TRIM42: variants seen among roughly 807,000 people sequenced by gnomAD.
TRIM42 encodes the protein tripartite motif containing 42, also known as tripartite motif-containing protein 42.
TRIM42 carries 59 observed loss-of-function variants against 64.9 expected under a neutral mutation model. The observed-to-expected ratio is 0.91, with a 90% confidence interval of 0.74 to 1.13. The LOEUF is 1.13. Ranked by LOEUF, TRIM42 falls within the 50% of genes most tolerant of loss-of-function variation. The pLI is 0.00. For missense variants in TRIM42, 878 were observed against 929.5 expected (o/e 0.94, Z 0.72); for synonymous variants, 354 against 346.3 (o/e 1.02, Z -0.25).
chr3:140,691,258 T>A, intron 4 of TRIM42, 66 bp downstream of exon 4: 1 of 1,323,736 alleles, frequency 7.6e-7, no homozygotes. Context: ...GAGGCCCTGT[T>A]AAGATGATCG....
At chr3:140,684,905 A>C (rs1032724949) in intron 2 of TRIM42, among the ~76,000 whole-genome samples, 6 of 152,182 alleles carry the variant, frequency 3.9e-5, no homozygotes, top group African/African-American at 1.4e-4. Context: ...TCCTTAATAC[A>C]GGAGAAACTT....
intron 4 of TRIM42, among the ~76,000 whole-genome samples, chr3:140,694,200 T>G (rs1031276618): frequency 6.6e-6 from 1 of 152,190 alleles, no homozygotes; most frequent in Admixed American, 6.5e-5. Flanking sequence ...AGCTGAACTT[T>G]TATTTTTTGA....
chr3:140,697,830 C>A (rs1180061639), intron 4 of TRIM42, among the ~76,000 whole-genome samples: 1 of 152,144 alleles, frequency 6.6e-6, no homozygotes, highest in African/African-American at 2.4e-5. Context: ...ACTACAGGCG[C>A]CCGCCACCAC....
At chr3:140,679,329 G>A (rs1229972641) in intron 1 of TRIM42, among the ~76,000 whole-genome samples, 1 of 152,064 alleles carries the variant, frequency 6.6e-6, no homozygotes, top group East Asian at 1.9e-4. Flanking sequence ...CTTCATATCA[G>A]GTCCTACATT....
At chr3:140,695,507 C>T (rs1248293662) in intron 4 of TRIM42, among the ~76,000 whole-genome samples, 1 of 152,106 alleles carries the variant, frequency 6.6e-6, no homozygotes, top group Admixed American at 6.5e-5. Context: ...ACCCCTGTCC[C>T]CAACCATCCT....
intron 1 of TRIM42, among the ~76,000 whole-genome samples, chr3:140,678,929 G>A (rs1000153426): frequency 1.3e-5 from 2 of 152,066 alleles, no homozygotes; most frequent in Non-Finnish European, 2.9e-5. Flanking sequence ...TTTCCATGAG[G>A]AAACTGATCC....
chr3:140,692,563 A>ACACACACACACACACACACAGC (rs1553763787), intron 4 of TRIM42, among the ~76,000 whole-genome samples: 1 of 40,268 alleles, frequency 2.5e-5, no homozygotes, highest in Non-Finnish European at 7.3e-5. Flanking sequence ...ACACACACAC[A>ACACACACACACACACACACAGC]GAGAGAGATA....
intron 2 of TRIM42, among the ~76,000 whole-genome samples, chr3:140,683,421 A>G (rs1328552460): frequency 1.3e-5 from 2 of 152,244 alleles, no homozygotes; most frequent in Non-Finnish European, 2.9e-5. Flanking sequence ...CTGGGTTGCC[A>G]TGAGGATTAA....
Position 140,682,614 on chromosome 3 carries a change from T to A in TRIM42, c.494T>A (p.Leu165Gln). The A allele has an allele frequency of 1.9e-6, 3 of 1,614,142 alleles. No homozygotes were observed. The highest frequency in any genetic ancestry group is 2.5e-6 in the Non-Finnish European group (3 of 1,180,024). Reference sequence around the variant, plus strand: ...TTCATGCTGCCCTGCAACCACAGCCTGTGCGAGAAGTGCCTGCGGCAGCTG... The same window carrying A: ...TTCATGCTGCCCTGCAACCACAGCCAGTGCGAGAAGTGCCTGCGGCAGCTG... ...HSFMLPCNHSLCEKCLRQLQK... is the reference protein window; with the variant it reads ...HSFMLPCNHSQCEKCLRQLQK... The change falls in exon 2 of 5, where the codon CTG (leucine) becomes CAG (glutamine). Residue 165 changes from leucine (L) to glutamine (Q), a missense_variant. Leu to Gln is a moderately radical substitution (Grantham distance 113). Coordinates refer to ENST00000286349, the MANE Select transcript of TRIM42 (RefSeq NM_152616.5).
chr3:140,684,999 A>G (rs1159181695), intron 2 of TRIM42, among the ~76,000 whole-genome samples: 1 of 152,236 alleles, frequency 6.6e-6, no homozygotes, highest in Non-Finnish European at 1.5e-5. Flanking sequence ...TGCCTGTCCA[A>G]ATTCCAGGAA....
At chr3:140,692,650 C>A (rs1353020551) in intron 4 of TRIM42, among the ~76,000 whole-genome samples, 1 of 152,066 alleles carries the variant, frequency 6.6e-6, no homozygotes, top group African/African-American at 2.4e-5. Context: ...ACTCCTCCTG[C>A]CAGCCTCCAG....
intron 1 of TRIM42, among the ~76,000 whole-genome samples, chr3:140,678,778 A>G (rs1988277956): frequency 1.3e-5 from 2 of 152,222 alleles, no homozygotes; most frequent in Admixed American, 1.3e-4. Context: ...AGCGCCATTA[A>G]CTATGTAAAT....
At chr3:140,686,198 T>C (rs757589643) in intron 2 of TRIM42, among the ~76,000 whole-genome samples, 1 of 152,178 alleles carries the variant, frequency 6.6e-6, no homozygotes, top group Non-Finnish European at 1.5e-5. Context: ...TCTTTAACAG[T>C]AGGTAACTAT....
At chr3:140,684,212 T>C (rs1408293267) in intron 2 of TRIM42, among the ~76,000 whole-genome samples, 1 of 152,126 alleles carries the variant, frequency 6.6e-6, no homozygotes, top group Non-Finnish European at 1.5e-5. Flanking sequence ...AAAAAAAAAT[T>C]AGGACAGGGA....
At chr3:140,690,553 A>G (rs1321400957) in intron 3 of TRIM42, among the ~76,000 whole-genome samples, 38 of 31,990 alleles carry the variant, frequency 1.2e-3, no homozygotes, top group African/African-American at 2.2e-3. Flanking sequence ...ATATATATAT[A>G]TATATATATA....
chr3:140,690,172 T>C (rs773573798), intron 3 of TRIM42, among the ~76,000 whole-genome samples: 10 of 152,172 alleles, frequency 6.6e-5, no homozygotes, highest in Non-Finnish European at 8.8e-5. Context: ...TATGTTAACA[T>C]CACTCTCAAA....
At chr3:140,687,128 G>C (rs113796507) in intron 2 of TRIM42, among the ~76,000 whole-genome samples, 152 of 152,180 alleles carry the variant, frequency 1.0e-3, no homozygotes, top group African/African-American at 3.5e-3. Flanking sequence ...TGAAAGGAGT[G>C]GGGGAAAGGC....
intron 4 of TRIM42, among the ~76,000 whole-genome samples, chr3:140,692,164 TCA>T (rs996244820): frequency 2.0e-5 from 3 of 152,038 alleles, no homozygotes; most frequent in Non-Finnish European, 4.4e-5. Flanking sequence ...CTTCTCTCTC[TCA>T]CTCTCTCATT....
chr3:140,697,465 C>T (rs753070626), intron 4 of TRIM42, among the ~76,000 whole-genome samples: 40 of 152,242 alleles, frequency 2.6e-4, no homozygotes, highest in Non-Finnish European at 5.3e-4. Context: ...ATTAAATTTA[C>T]AGTTTCACCT....
Sources: allele counts gnomAD v4.1 joint callset (sites outside exome capture counted in the v4.1 genomes callset), GRCh38; gene constraint gnomAD v4.1.1; transcripts MANE v1.5; gene names NCBI Gene and HGNC (gene_info 2026-07-23, HGNC 2026-07-21).